DNAJC13: variants seen among roughly 807,000 people sequenced by gnomAD.
DNAJC13 encodes dnaJ homolog subfamily C member 13.
DNAJC13 carries 75 observed loss-of-function variants against 290.5 expected under a neutral mutation model. The observed-to-expected ratio is 0.26, with a 90% CI of 0.21 to 0.31. The LOEUF is 0.31. Ranked by LOEUF, DNAJC13 falls within the 10% of genes least tolerant of loss-of-function variation. The pLI is 1.00. For synonymous variants in DNAJC13, 862 were observed against 892.0 expected (o/e 0.97, Z 0.60); for missense variants, 2,260 against 2,674.5 (o/e 0.85, Z 3.42).
At chr3:132,455,310 A>G (rs911470613) in intron 9 of DNAJC13, among the ~76,000 whole-genome samples, 1 of 152,238 alleles carries the variant, frequency 6.6e-6, no homozygotes, top group African/African-American at 2.4e-5. Context: ...ATATTCACTA[A>G]CATGACTAAC....
chr3:132,432,463 C>T (rs1358421324), intron 1 of DNAJC13, among the ~76,000 whole-genome samples: 2 of 152,098 alleles, frequency 1.3e-5, no homozygotes, highest in Middle Eastern at 3.2e-3. Context: ...TGTCAGCCTC[C>T]CAAAATGCTA....
chr3:132,490,803 T>C, intron 31 of DNAJC13, 94 bp from the exon 32 acceptor site: 2 of 1,266,066 alleles, frequency 1.6e-6, no homozygotes, highest in Non-Finnish European at 2.1e-6. Context: ...TGTGTTCTTT[T>C]CTTAAAGTGT....
chr3:132,460,624 A>G (rs1933760544), intron 14 of DNAJC13, among the ~76,000 whole-genome samples: 1 of 152,178 alleles, frequency 6.6e-6, no homozygotes, highest in Non-Finnish European at 1.5e-5. Context: ...AAATATCATT[A>G]GGAAATAAAC....
chr3:132,505,789 GA>G (rs983558239), intron 42 of DNAJC13, among the ~76,000 whole-genome samples: 4 of 147,980 alleles, frequency 2.7e-5, no homozygotes, highest in African/African-American at 7.5e-5. Context: ...ACTGAGCCGT[GA>G]AAAAAAAACA....
chr3:132,500,948 C>A, intron 39 of DNAJC13, 35 bp downstream of exon 39: 1 of 1,606,258 alleles, frequency 6.2e-7, no homozygotes, highest in Non-Finnish European at 8.5e-7. Context: ...TAGATACAGA[C>A]AGCAAAGTGT....
chr3:132,430,011 A>G (rs1202796090), intron 1 of DNAJC13, among the ~76,000 whole-genome samples: 1 of 152,158 alleles, frequency 6.6e-6, no homozygotes, highest in Non-Finnish European at 1.5e-5. Context: ...AAGTACTACT[A>G]CTTTCCTCCT....
At chr3:132,476,081 G>GC (rs1205165760) in intron 22 of DNAJC13, among the ~76,000 whole-genome samples, 1 of 152,066 alleles carries the variant, frequency 6.6e-6, no homozygotes, top group African/African-American at 2.4e-5. Context: ...CCAGAGGCTT[G>GC]CACCACCATG....
At chr3:132,442,667 C>T (rs1933109612) in intron 2 of DNAJC13, among the ~76,000 whole-genome samples, 1 of 152,144 alleles carries the variant, frequency 6.6e-6, no homozygotes, top group Non-Finnish European at 1.5e-5. Flanking sequence ...TTCTAAATAA[C>T]ATTATACCTA....
intron 5 of DNAJC13, among the ~76,000 whole-genome samples, chr3:132,449,390 C>A (rs1933354545): frequency 6.6e-6 from 1 of 152,064 alleles, no homozygotes; most frequent in Admixed American, 6.6e-5. Context: ...GGTCTTGAGG[C>A]ATGTAAACAA....
intron 1 of DNAJC13, among the ~76,000 whole-genome samples, chr3:132,420,071 TGA>T (rs1319770197): frequency 6.6e-6 from 1 of 152,250 alleles, no homozygotes; most frequent in Non-Finnish European, 1.5e-5. Flanking sequence ...GCTGAAAATT[TGA>T]GAGACAGTGC....
intron 19 of DNAJC13, among the ~76,000 whole-genome samples, chr3:132,466,703 G>C (rs1934002710): frequency 6.6e-6 from 1 of 152,054 alleles, no homozygotes; most frequent in Admixed American, 6.6e-5. Context: ...GTACGTTCTG[G>C]AGTACCAGTA....
chr3:132,502,504 C>A, intron 40 of DNAJC13, 36 bp downstream of exon 40: 1 of 1,544,562 alleles, frequency 6.5e-7, no homozygotes, highest in Admixed American at 1.8e-5. Flanking sequence ...GAATTTGAAC[C>A]CAAACCTTAG....
At chr3:132,526,850 A>C (rs576136581) in intron 53 of DNAJC13, among the ~76,000 whole-genome samples, 1 of 152,342 alleles carries the variant, frequency 6.6e-6, no homozygotes, top group East Asian at 1.9e-4. Context: ...TCTTTCTAAA[A>C]TGTAACTCAA....
At chr3:132,478,759 T>A (rs920426175) in intron 24 of DNAJC13, among the ~76,000 whole-genome samples, 24 of 152,060 alleles carry the variant, frequency 1.6e-4, no homozygotes, top group African/African-American at 5.3e-4. Flanking sequence ...TCAAAAAAAA[T>A]TTTTTTATTT....
chr3:132,521,298 A>G lies in DNAJC13; in HGVS notation c.5674-1530A>G, dbSNP rs186630294. 9.9e-5 allele frequency among the ~76,000 whole-genome samples: 15 copies of G among 152,274 alleles called. 1 individual carries two copies. Among genetic ancestry groups the G allele is most frequent in the African/African-American group, 2.6e-4 (11 of 41,556 alleles). ...AGCATGGTAGTGCACCTGTAATCTTAGCTACTCAGGAGGTTAAGGAGGGAG... is the reference window on the plus strand; with the variant it reads ...AGCATGGTAGTGCACCTGTAATCTTGGCTACTCAGGAGGTTAAGGAGGGAG... On this transcript the variant is annotated intron_variant, in intron 48 of 55. Coordinates refer to ENST00000260818, the MANE Select transcript of DNAJC13 (RefSeq NM_015268.4).
chr3:132,420,912 C>T (rs1938936518), intron 1 of DNAJC13, among the ~76,000 whole-genome samples: 1 of 151,920 alleles, frequency 6.6e-6, no homozygotes, highest in South Asian at 2.1e-4. Context: ...ATTATGAGGC[C>T]CATGAAAAAA....
At chr3:132,497,303 TC>T (rs1559898409) in intron 36 of DNAJC13, among the ~76,000 whole-genome samples, 1 of 152,070 alleles carries the variant, frequency 6.6e-6, no homozygotes, top group Non-Finnish European at 1.5e-5. Context: ...GTTCAAAACA[TC>T]CCCCTTTGTT....
chr3:132,434,562 T>C lies in DNAJC13; in HGVS notation c.12T>C (p.Ile4=). The C allele has an allele frequency of 1.2e-6, 2 of 1,612,254 alleles. No homozygotes were observed. The highest frequency in any genetic ancestry group is 1.7e-6 in the Non-Finnish European group (2 of 1,179,144). Reference sequence around the variant, plus strand: ...GGTTTGAGCACAAAATGAACATAATTAGGGAAAATAAGGATCTGGCATGTT... The same window carrying C: ...GGTTTGAGCACAAAATGAACATAATCAGGGAAAATAAGGATCTGGCATGTT... The part of the protein sequence containing the change: MNI[I]RENKDLACFY... The change falls in exon 2 of 56, where the codon ATT becomes ATC. Residue 4 remains isoleucine (I), a synonymous_variant. Coordinates refer to ENST00000260818, the MANE Select transcript of DNAJC13 (RefSeq NM_015268.4).
At chr3:132,424,105 T>G (rs970708738) in intron 1 of DNAJC13, among the ~76,000 whole-genome samples, 1 of 152,192 alleles carries the variant, frequency 6.6e-6, no homozygotes, top group Non-Finnish European at 1.5e-5. Context: ...ATAATGTGTA[T>G]AAACTAAAAA....
Sources: allele counts gnomAD v4.1 joint callset (sites outside exome capture counted in the v4.1 genomes callset), GRCh38; gene constraint gnomAD v4.1.1; transcripts MANE v1.5; gene names NCBI Gene and HGNC (gene_info 2026-07-23, HGNC 2026-07-21).